Variants in GLRA3 observed in about 807,000 individuals in gnomAD.
GLRA3 encodes glycine receptor subunit alpha-3.
GLRA3 carries 44 observed loss-of-function variants against 60.4 expected under a neutral mutation model. That is an observed-to-expected ratio of 0.73 (90% CI 0.57 to 0.94). The LOEUF (loss-of-function observed/expected upper bound fraction) is 0.94, where lower values mean the gene tolerates loss of function less well. Among genes scored for constraint, GLRA3 ranks in the 40% least tolerant of loss-of-function variants. GLRA3 has a pLI of 0.00. For synonymous variants in GLRA3, 223 were observed against 192.9 expected (o/e 1.16, Z -1.29); for missense variants, 508 against 564.6 (o/e 0.90, Z 1.02).
intron 5 of GLRA3, among the ~76,000 whole-genome samples, chr4:174,692,953 A>T (rs72706167): frequency 0.17 from 26,323 of 151,782 alleles, 2,594 homozygotes; most frequent in African/African-American, 0.26. Flanking sequence ...AAAATAAAAA[A>T]AAAAAAAGAA....
chr4:174,711,684 C>T (rs1020173560), intron 5 of GLRA3, among the ~76,000 whole-genome samples: 1 of 152,058 alleles, frequency 6.6e-6, no homozygotes, highest in South Asian at 2.1e-4. Context: ...AAGTGATCCA[C>T]CTGCCTCAGC....
intron 4 of GLRA3, among the ~76,000 whole-genome samples, chr4:174,723,694 A>G (rs1291737209): frequency 6.6e-6 from 1 of 152,086 alleles, no homozygotes; most frequent in African/African-American, 2.4e-5. Context: ...GACACCTTTT[A>G]CAAAAATAAT....
At chr4:174,771,031 A>G (rs1248442918) in intron 2 of GLRA3, among the ~76,000 whole-genome samples, 2 of 140,202 alleles carry the variant, frequency 1.4e-5, no homozygotes, top group East Asian at 2.3e-4. Flanking sequence ...GAACTGAACA[A>G]TGAGAACACA....
intron 1 of GLRA3, among the ~76,000 whole-genome samples, chr4:174,816,725 T>C (rs1477770299): frequency 6.6e-6 from 1 of 152,078 alleles, no homozygotes; most frequent in African/African-American, 2.4e-5. Flanking sequence ...CTGAAGCCAG[T>C]TTTGCCCCTC....
rs1031481752 is a variant in GLRA3, at chr4:174,644,075, A to G, written c.1117-11T>C. 1 of 1,554,178 alleles carries G rather than the reference A, an allele frequency of 6.4e-7. No homozygotes were observed. Among genetic ancestry groups the G allele is most frequent in the Non-Finnish European group, 8.8e-7 (1 of 1,132,314 alleles). On this transcript the variant is annotated splice_polypyrimidine_tract_variant and intron_variant, in intron 9 of 9. Coordinates refer to ENST00000274093, the MANE Select transcript of GLRA3 (RefSeq NM_006529.4). ...CCTTACCTCATCATCCTGTCAAAGA[A>G]AAATGTGACAAGGCCCTTTAATAAT...
intron 9 of GLRA3, among the ~76,000 whole-genome samples, chr4:174,652,536 A>C (rs1477372570): frequency 6.6e-6 from 1 of 151,794 alleles, no homozygotes; most frequent in African/African-American, 2.4e-5. Flanking sequence ...GCTACTGCAC[A>C]ATTCTTTTTA....
At chr4:174,661,501 T>C (rs1435326293) in intron 7 of GLRA3, among the ~76,000 whole-genome samples, 1 of 152,156 alleles carries the variant, frequency 6.6e-6, no homozygotes, top group Non-Finnish European at 1.5e-5. Flanking sequence ...TCATTTTTGG[T>C]TCTTATGAAG....
chr4:174,732,009 C>G (rs578133529), intron 3 of GLRA3, among the ~76,000 whole-genome samples: 1 of 152,046 alleles, frequency 6.6e-6, no homozygotes, highest in Non-Finnish European at 1.5e-5. Context: ...CAGAATTTGT[C>G]AAAAATACAG....
chr4:174,797,300 G>A (rs928652522), intron 1 of GLRA3, among the ~76,000 whole-genome samples: 5 of 151,998 alleles, frequency 3.3e-5, no homozygotes, highest in African/African-American at 9.7e-5. Flanking sequence ...AGCTATGATC[G>A]GTACTTTGGA....
intron 5 of GLRA3, among the ~76,000 whole-genome samples, chr4:174,688,366 T>TTC (rs1734639110): frequency 8.6e-6 from 1 of 116,196 alleles, no homozygotes; most frequent in African/African-American, 3.2e-5. Flanking sequence ...TATATATATA[T>TTC]ATTCATCAGG....
At chr4:174,728,239 A>G (rs929601468) in intron 4 of GLRA3, among the ~76,000 whole-genome samples, 1 of 152,208 alleles carries the variant, frequency 6.6e-6, no homozygotes, top group African/African-American at 2.4e-5. Context: ...AAGAATCACC[A>G]GGGACATTTG....
At chr4:174,665,373 C>T (rs567040301) in intron 7 of GLRA3, among the ~76,000 whole-genome samples, 38 of 151,774 alleles carry the variant, frequency 2.5e-4, no homozygotes, top group Admixed American at 3.9e-4. Flanking sequence ...GCCAGAATAA[C>T]GCATCTCAGC....
At chr4:174,645,420 C>CAAA (rs201216075) in intron 9 of GLRA3, among the ~76,000 whole-genome samples, 6 of 76,108 alleles carry the variant, frequency 7.9e-5, no homozygotes, top group African/African-American at 2.0e-4. Flanking sequence ...ACTCCGTCTC[C>CAAA]AAAAAAAAAA....
intron 1 of GLRA3, among the ~76,000 whole-genome samples, chr4:174,811,824 T>C (rs1458663161): frequency 6.6e-6 from 1 of 152,174 alleles, no homozygotes; most frequent in Non-Finnish European, 1.5e-5. Context: ...ATTCTAAATA[T>C]ACCTCGAGCA....
intron 3 of GLRA3, among the ~76,000 whole-genome samples, chr4:174,748,783 G>A (rs748720911): frequency 1.3e-5 from 2 of 152,140 alleles, no homozygotes; most frequent in African/African-American, 2.4e-5. Context: ...GAGGTTAAGG[G>A]TAGGTTTGTG....
chr4:174,751,202 G>A (rs1449771569), intron 3 of GLRA3, among the ~76,000 whole-genome samples: 3 of 151,912 alleles, frequency 2.0e-5, no homozygotes, highest in Non-Finnish European at 4.4e-5. Flanking sequence ...TCTGGTTAAA[G>A]CATGATAGAA....
rs1740115132 is a variant in GLRA3, at chr4:174,807,960, T to C, written c.72-19017A>G. Among the ~76,000 whole-genome samples the C allele has an allele frequency of 2.6e-5, 4 of 151,996 alleles. No homozygotes were observed. The South Asian group carries it at 8.3e-4, about 32-fold the overall frequency. ...CTAGGAGCTGATCCAACTTAGAAAGTAGTGATGTGATTTCCTCAAATGAAA... is the reference window on the plus strand; with the variant it reads ...CTAGGAGCTGATCCAACTTAGAAAGCAGTGATGTGATTTCCTCAAATGAAA... On this transcript the variant is annotated intron_variant, in intron 1 of 9. Transcript: ENST00000274093.
chr4:174,642,708 A>G lies in GLRA3; in HGVS notation c.*1078T>C. 3 of 728,754 alleles carry G rather than the reference A, an allele frequency of 4.1e-6. No homozygotes were observed. The highest frequency in any genetic ancestry group is 3.4e-6 in the Non-Finnish European group (2 of 596,030). 45.1% of individuals were successfully genotyped at this position (728,754 alleles called of 1,614,324 possible). ...AGTCCTCACTTTATAGAAATGACTT[A>G]CTTATATCATTTAAAATTAAAACTT... On this transcript the variant is annotated 3_prime_UTR_variant, in exon 10 of 10. Transcript: ENST00000274093.
intron 5 of GLRA3, among the ~76,000 whole-genome samples, chr4:174,708,834 T>TA (rs61530642): frequency 1.2e-3 from 169 of 142,178 alleles, no homozygotes; most frequent in Middle Eastern, 7.5e-3. Context: ...ACTAGCAAAT[T>TA]AAAAAAAAAA....
Sources: allele counts gnomAD v4.1 joint callset (sites outside exome capture counted in the v4.1 genomes callset), GRCh38; gene constraint gnomAD v4.1.1; transcripts MANE v1.5; gene names NCBI Gene and HGNC (gene_info 2026-07-23, HGNC 2026-07-21).